The following UVSSA variants were observed in gnomAD, a reference collection of about 807,000 sequenced individuals.
UVSSA encodes the protein UV-stimulated scaffold protein A.
UVSSA carries 72 observed loss-of-function variants against 73.9 expected under a neutral mutation model. The ratio of observed to expected loss-of-function variants is 0.97; its 90% CI spans 0.81 to 1.19. The LOEUF (loss-of-function observed/expected upper bound fraction) is 1.19. UVSSA is among the 50% of genes most tolerant of loss of function. The probability of loss-of-function intolerance (pLI) is 0.00; values close to 1 mark genes in which losing one functional copy is unlikely to be tolerated. For missense variants in UVSSA, 1,150 were observed against 965.0 expected (o/e 1.19, Z -2.54); for synonymous variants, 454 against 391.3 (o/e 1.16, Z -1.89).
At chr4:1,391,577 C>T (rs892608468), downstream of UVSSA, 9 of 152,210 alleles carry the variant, frequency 5.9e-5, no homozygotes, top group Non-Finnish European at 7.4e-5. Context: ...GTCTTTAAGT[C>T]CCTTTTGTAT....
intron 8 of UVSSA, among the ~76,000 whole-genome samples, chr4:1,367,528 T>G (rs1047196737): frequency 1.3e-5 from 2 of 152,116 alleles, no homozygotes; most frequent in Non-Finnish European, 2.9e-5. Context: ...ATTTGTATGG[T>G]CCTGTTTACT....
chr4:1,354,575 C>G, intron 5 of UVSSA, 160 bp from the exon 6 acceptor site: 1 of 623,124 alleles, frequency 1.6e-6, no homozygotes, highest in Non-Finnish European at 2.9e-6. Context: ...TAAAACACTT[C>G]CTTCTCACAG....
chr4:1,353,454 C>T (rs779716014), intron 5 of UVSSA, 41 bp downstream of exon 5: 51 of 1,441,072 alleles, frequency 3.5e-5, no homozygotes, highest in African/African-American at 2.2e-4. Context: ...CACCCTGCCC[C>T]GGCTCCCGGG....
chr4:1,392,088 T>G (rs1720426047), downstream of UVSSA: 1 of 152,246 alleles, frequency 6.6e-6, no homozygotes, highest in African/African-American at 2.4e-5. Context: ...TTTTACTGGG[T>G]TTTTTTAAAA....
rs1719440907 is a variant in UVSSA at position 1,381,064 on chromosome 4, G to C, written c.1861+76G>C. The C allele has an allele frequency of 5.7e-6, 8 of 1,393,256 alleles. 1 individual carries two copies. In the South Asian group the frequency reaches 1.0e-4, roughly 18 times the overall value. The allele number at this position is 1,393,256 out of a possible 1,614,324, so 86.3% of individuals were successfully genotyped here. ...GCCACTAGTGGCCCGGGGTGTGTCTGCAGAGTCACAGAGCACCCGCTCTGC... is the reference window on the plus strand; with the variant it reads ...GCCACTAGTGGCCCGGGGTGTGTCTCCAGAGTCACAGAGCACCCGCTCTGC... On this transcript the variant is annotated intron_variant, in intron 12 of 13. Coordinates refer to ENST00000389851, the MANE Select transcript of UVSSA (RefSeq NM_020894.4).
At chr4:1,362,333 AC>A (rs1454929852) in intron 7 of UVSSA, among the ~76,000 whole-genome samples, 1 of 152,130 alleles carries the variant, frequency 6.6e-6, no homozygotes, top group Non-Finnish European at 1.5e-5. Context: ...TGCACTGTGG[AC>A]CAGCCTTGGG....
At chr4:1,349,116 C>A (rs1016680927) in intron 2 of UVSSA, among the ~76,000 whole-genome samples, 5 of 58,622 alleles carry the variant, frequency 8.5e-5, no homozygotes, top group Admixed American at 8.1e-4. Flanking sequence ...CGCTAGGTAA[C>A]GTGTGTTTAA....
chr4:1,347,273 G>C lies in UVSSA; in HGVS notation c.-490G>C, dbSNP rs537204382. ...ACGCTGCCGGGCGGGGGTCGCGCCG[G>C]TTCGGTCCCCGGGGCTCTGCGGGCG... On this transcript the variant is annotated 5_prime_UTR_variant, in exon 1 of 14. Transcript: ENST00000389851. The C allele has an allele frequency of 2.7e-5, 4 of 147,358 alleles. No homozygotes were observed. In the South Asian group the frequency reaches 8.5e-4, roughly 31 times the overall value. 9.1% of individuals were successfully genotyped at this position (147,358 alleles called of 1,614,324 possible).
intron 8 of UVSSA, among the ~76,000 whole-genome samples, chr4:1,369,249 C>T (rs576656744): frequency 1.1e-4 from 16 of 152,360 alleles, no homozygotes; most frequent in African/African-American, 3.6e-4. Context: ...GTACCAGCCC[C>T]AGGCGAGGGC....
At chr4:1,351,413 T>C (rs1284779832) in intron 3 of UVSSA, among the ~76,000 whole-genome samples, 1 of 143,170 alleles carries the variant, frequency 7.0e-6, no homozygotes, top group African/African-American at 2.6e-5. Flanking sequence ...TGAGACAGAG[T>C]CTCGCTCTGT....
intron 5 of UVSSA, chr4:1,354,515 G>A (rs529585896): frequency 1.4e-5 from 8 of 565,980 alleles, no homozygotes; most frequent in East Asian, 8.9e-5. Context: ...GTGGAGCTGC[G>A]TGTGAGGGGA....
At chr4:1,350,263 G>A (rs991095378) in intron 3 of UVSSA, among the ~76,000 whole-genome samples, 1 of 152,160 alleles carries the variant, frequency 6.6e-6, no homozygotes, top group Non-Finnish European at 1.5e-5. Context: ...CTATGGGCTC[G>A]GGCTGGTGCC....
At chr4:1,380,813 G>A (rs1307179561) in intron 11 of UVSSA, 67 bp from the exon 12 acceptor site, 17 of 1,593,366 alleles carry the variant, frequency 1.1e-5, no homozygotes, top group Non-Finnish European at 1.5e-5. Context: ...AGTCGTGGTG[G>A]TGGGGGGAGG....
chr4:1,352,476 C>T (rs532504972), intron 4 of UVSSA, among the ~76,000 whole-genome samples: 91 of 152,338 alleles, frequency 6.0e-4, no homozygotes, highest in South Asian at 2.3e-3. Context: ...AAAGCTGCTC[C>T]GGCCCGGGAG....
upstream of UVSSA, among the ~76,000 whole-genome samples, chr4:1,344,174 G>A (rs1047256084): frequency 1.1e-4 from 16 of 152,176 alleles, no homozygotes; most frequent in African/African-American, 3.9e-4. Context: ...GATGTGCCTT[G>A]GGTGGTTTTC....
intron 6 of UVSSA, 58 bp downstream of exon 6, chr4:1,354,905 G>C (rs1715447110): frequency 2.8e-5 from 41 of 1,480,146 alleles, no homozygotes; most frequent in Non-Finnish European, 3.6e-5. Context: ...GCCATGCATG[G>C]GGGGGGTCCC....
upstream of UVSSA, among the ~76,000 whole-genome samples, chr4:1,343,774 T>G (rs1386035873): frequency 6.6e-6 from 1 of 151,626 alleles, no homozygotes; most frequent in Non-Finnish European, 1.5e-5. Context: ...GTGACAAGAG[T>G]GAAACTCCGT....
rs1560469276 is a variant in UVSSA at position 1,372,836 on chromosome 4, TCAGG to T, written c.1289-2527_1289-2524del. ...TCTCAGGGCACTCACCTCCCGCGTC[TCAGG>T]GCACTCACCTCCCGCGTCCCTGCAC... On this transcript the variant is annotated intron_variant, in intron 8 of 13. Transcript: ENST00000389851. Among the ~76,000 whole-genome samples the T allele has an allele frequency of 1.3e-3, 30 of 22,574 alleles. 5 individuals are homozygous for T. Among genetic ancestry groups the T allele is most frequent in the African/African-American group, 6.6e-3 (26 of 3,912 alleles). The allele number at this position is 22,574 out of a possible 152,430, so 14.8% of individuals were successfully genotyped here. A position where few individuals can be genotyped will look rare whatever the true frequency, so the allele number is the denominator to read the frequency against.
chr4:1,384,662 T>A (rs1719892696), intron 13 of UVSSA: 1 of 152,334 alleles, frequency 6.6e-6, no homozygotes, highest in African/African-American at 2.4e-5. Flanking sequence ...CAAATCTGTG[T>A]CAAGTCCCTG....
Sources: allele counts gnomAD v4.1 joint callset (sites outside exome capture counted in the v4.1 genomes callset), GRCh38; gene constraint gnomAD v4.1.1; transcripts MANE v1.5; gene names NCBI Gene and HGNC (gene_info 2026-07-23, HGNC 2026-07-21).